The following SDK2 variants were observed in gnomAD, a reference collection of about 807,000 sequenced individuals.
SDK2 encodes protein sidekick-2.
A neutral mutation model predicts 253.9 loss-of-function variants in SDK2; 105 were observed. That is an observed-to-expected ratio of 0.41 (90% confidence interval 0.35 to 0.49). The LOEUF is 0.49. Ranked by LOEUF, SDK2 falls within the 20% of genes least tolerant of loss-of-function variation. The pLI, the probability that SDK2 is intolerant of heterozygous loss-of-function variation, is 0.06. For missense variants in SDK2, 2,608 were observed against 3,003.0 expected, an observed-to-expected ratio of 0.87 and a Z score of 3.07; for synonymous variants, 1,249 against 1,234.9, an observed-to-expected ratio of 1.01 and a Z score of -0.24.
chr17:73,430,675 T>C, intron 11 of SDK2, 62 bp from the exon 12 acceptor site: 1 of 1,161,716 alleles, frequency 8.6e-7, no homozygotes, highest in Non-Finnish European at 1.2e-6. Context: ...GGCTGGACTC[T>C]GGGTGGATAC....
rs574823197 is a variant in SDK2, at chr17:73,338,522, A to T, written c.*65T>A. On this transcript the variant is annotated 3_prime_UTR_variant, in exon 45 of 45. Transcript: ENST00000392650. This position sits in a 1 kb window ranked among gnomAD's most constrained non-coding sequence, Gnocchi z 5.0. ...TTGGTGTTTTTGTTTTCTGGCAGGC[A>T]GTGAGAGGAGGGGTGAAGGAGGAGT... 38 of 949,484 alleles carry T rather than the reference A, an allele frequency of 4.0e-5. No homozygotes were observed. Among genetic ancestry groups the T allele is most frequent in the Admixed American group, 7.0e-5 (3 of 42,714 alleles). The allele number at this position is 949,484 out of a possible 1,614,324, so 58.8% of individuals were successfully genotyped here.
rs1421885901 is a variant in SDK2 at position 73,433,845 on chromosome 17, A to G, written c.1199T>C (p.Ile400Thr). The G allele has an allele frequency of 6.5e-7, 1 of 1,538,890 alleles. No homozygotes were observed. Among genetic ancestry groups the G allele is most frequent in the African/African-American group, 1.4e-5 (1 of 72,626 alleles). Residue 400 changes from isoleucine to threonine, a missense_variant, in exon 10 of 45, where the codon ATC becomes ACC. Physicochemically the swap from Ile to Thr is moderately conservative, Grantham distance 89. Coordinates refer to ENST00000392650, the MANE Select transcript of SDK2 (RefSeq NM_001144952.2). Reference protein sequence around the residue: ...QTSTYLAVTSIAPNITRGPLD... With the variant: ...QTSTYLAVTSTAPNITRGPLD... Reference sequence around the variant, plus strand: ...GGGGCCTCTGGTGATGTTAGGGGCGATGCCTGCAAACAGAGAAGTGGGGCC... The same window carrying G: ...GGGGCCTCTGGTGATGTTAGGGGCGGTGCCTGCAAACAGAGAAGTGGGGCC...
chr17:73,636,702 A>AGAAAAG (rs1399052368), intron 1 of SDK2, among the ~76,000 whole-genome samples: 1 of 99,962 alleles, frequency 1.0e-5, no homozygotes, highest in African/African-American at 4.1e-5. Flanking sequence ...AAAAAAAAAA[A>AGAAAAG]AAAAGAAAAG....
Position 73,351,384 on chromosome 17 carries a change from A to G in SDK2, c.5759-594T>C, listed in dbSNP as rs563879836. Among the ~76,000 whole-genome samples the G allele has an allele frequency of 2.2e-4, 33 of 152,306 alleles. 1 individual carries two copies. Among genetic ancestry groups the G allele is most frequent in the Admixed American group, 2.2e-3 (33 of 15,294 alleles). Reference sequence around the variant, plus strand: ...CTCGGCCTCCCAAAGTGTTGGGATTACAGACGTGAGCCACCGTTCCCGGCC... The same window carrying G: ...CTCGGCCTCCCAAAGTGTTGGGATTGCAGACGTGAGCCACCGTTCCCGGCC... On this transcript the variant is annotated intron_variant, in intron 41 of 44. Coordinates refer to ENST00000392650, the MANE Select transcript of SDK2 (RefSeq NM_001144952.2).
At chr17:73,385,126 G>A (rs1038017780) in intron 32 of SDK2, among the ~76,000 whole-genome samples, 75 of 152,296 alleles carry the variant, frequency 4.9e-4, no homozygotes, top group African/African-American at 1.8e-3. Context: ...AGTGGTGATG[G>A]GAGTTCAGTG....
At chr17:73,505,968 T>G (rs1340835547) in intron 2 of SDK2, among the ~76,000 whole-genome samples, 1 of 152,216 alleles carries the variant, frequency 6.6e-6, no homozygotes. Flanking sequence ...ATCCTAGCAG[T>G]GCCAGGGCCC....
rs544813809 is a variant in SDK2 at position 73,488,312 on chromosome 17, G to A, written c.225-16094C>T. Among the ~76,000 whole-genome samples the A allele has an allele frequency of 4.6e-5, 7 of 152,294 alleles. No individual in the cohort carries two copies. The East Asian group carries it at 7.7e-4, about 17-fold the overall frequency. ...ATTACAGGCATGAGCCACCACGCCC[G>A]GCCAAGATGGCTGTCTTATAGAAAA... On this transcript the variant is annotated intron_variant, in intron 2 of 44. Transcript: ENST00000392650.
intron 1 of SDK2, among the ~76,000 whole-genome samples, chr17:73,536,742 G>C (rs1186953105): frequency 3.3e-5 from 5 of 152,194 alleles, no homozygotes. Context: ...GGCCATGCTG[G>C]GGGCAGGTGA....
intron 40 of SDK2, among the ~76,000 whole-genome samples, chr17:73,354,929 A>G (rs1226011536): frequency 6.6e-6 from 1 of 151,656 alleles, no homozygotes; most frequent in African/African-American, 2.4e-5. Context: ...TAAGTCGAGC[A>G]CTGCAGCAGA....
chr17:73,509,627 C>CAA (rs111605845), intron 1 of SDK2, among the ~76,000 whole-genome samples: 30 of 81,258 alleles, frequency 3.7e-4, no homozygotes, highest in African/African-American at 9.7e-4. Context: ...CCCTCTTCAC[C>CAA]AAAAAAAAAA....
chr17:73,543,580 C>T (rs572166198), intron 1 of SDK2, among the ~76,000 whole-genome samples: 273 of 152,378 alleles, frequency 1.8e-3, no homozygotes, highest in Non-Finnish European at 3.3e-3. Context: ...GAGTTATTAA[C>T]ACAAGGGATG....
At chr17:73,594,641 A>G (rs115468275) in intron 1 of SDK2, among the ~76,000 whole-genome samples, 2 of 152,088 alleles carry the variant, frequency 1.3e-5, no homozygotes, top group Admixed American at 1.3e-4. Context: ...AACACACAGA[A>G]ATACACCCAT....
At position 73,609,918 on chromosome 17, in the gene SDK2, A is replaced by G. The variant is rs76196734; in HGVS notation, c.64+34107T>C. Among the ~76,000 whole-genome samples, 1,983 of 152,320 alleles carry G rather than the reference A, an allele frequency of 0.013. 42 individuals carry two copies. Among genetic ancestry groups the G allele is most frequent in the East Asian group, 0.045 (235 of 5,168 alleles). On this transcript the variant is annotated intron_variant, in intron 1 of 44. Coordinates refer to ENST00000392650, the MANE Select transcript of SDK2 (RefSeq NM_001144952.2). The surrounding 1 kb of genome is among the most constrained non-coding windows in gnomAD (Gnocchi z 4.4). Reference sequence around the variant, plus strand: ...AGCTGTCAGGAGACAAAAACAGCTCACTGGAGCAAGGGCTGGGACTGGTAG... The same window carrying G: ...AGCTGTCAGGAGACAAAAACAGCTCGCTGGAGCAAGGGCTGGGACTGGTAG...
intron 16 of SDK2, 142 bp from the exon 17 acceptor site, chr17:73,416,134 CCCG>C: frequency 1.6e-6 from 1 of 635,702 alleles, no homozygotes; most frequent in Non-Finnish European, 2.6e-6. Flanking sequence ...CGACAGGGTG[CCCG>C]CCAGCACATG....
At position 73,496,482 on chromosome 17, in the gene SDK2, A is replaced by G. The variant is rs1339449480; in HGVS notation, c.224+10956T>C. Among the ~76,000 whole-genome samples the G allele has an allele frequency of 6.6e-6, 1 of 152,142 alleles. No homozygotes were observed. Among genetic ancestry groups the G allele is most frequent in the African/African-American group, 2.4e-5 (1 of 41,432 alleles). ...CATGGGCACGAGGGCATGAAAGAGC[A>G]GAGACCACGGGTGCACGATGCGTTC... On this transcript the variant is annotated intron_variant, in intron 2 of 44. Coordinates refer to ENST00000392650, the MANE Select transcript of SDK2 (RefSeq NM_001144952.2). This position sits in a 1 kb window ranked among gnomAD's most constrained non-coding sequence, Gnocchi z 4.7.
chr17:73,378,358 T>C (rs2062800999), intron 36 of SDK2, among the ~76,000 whole-genome samples: 1 of 152,040 alleles, frequency 6.6e-6, no homozygotes, highest in African/African-American at 2.4e-5. Flanking sequence ...CACCTTGGCC[T>C]CCTAAAGTGC....
chr17:73,626,663 G>C (rs543405414), intron 1 of SDK2, among the ~76,000 whole-genome samples: 9 of 152,320 alleles, frequency 5.9e-5, no homozygotes, highest in East Asian at 3.9e-4. Flanking sequence ...GACAGGTGCT[G>C]GCATCAGACA....
rs772810009 is a variant in SDK2, at chr17:73,379,591, C to A, written c.4763-42G>T. On this transcript the variant is annotated intron_variant, in intron 34 of 44. Transcript: ENST00000392650. The surrounding 1 kb of genome is among the most constrained non-coding windows in gnomAD (Gnocchi z 4.5). ...GGGAGGGGAAGCACACTGAGGTCAC[C>A]GTCATTGCTGGGAAGGTGTCCCCAG... The A allele has an allele frequency of 7.5e-5, 96 of 1,274,204 alleles. No homozygotes were observed. Among genetic ancestry groups the A allele is most frequent in the Non-Finnish European group, 1.1e-4 (94 of 890,510 alleles). 78.9% of individuals were successfully genotyped at this position (1,274,204 alleles called of 1,614,324 possible).
rs1473854064 is a variant in SDK2 at position 73,408,056 on chromosome 17, TTTTTTTTTC to T, written c.2485-5924_2485-5916del. Among the ~76,000 whole-genome samples, 118 of 128,298 alleles carry T rather than the reference TTTTTTTTTC, an allele frequency of 9.2e-4. 3 individuals are homozygous for T. The highest frequency in any genetic ancestry group is 1.6e-3 in the Non-Finnish European group (90 of 56,812). 84.2% of individuals were successfully genotyped at this position (128,298 alleles called of 152,430 possible). On this transcript the variant is annotated intron_variant, in intron 18 of 44. Coordinates refer to ENST00000392650, the MANE Select transcript of SDK2 (RefSeq NM_001144952.2). ...GGAAGTAAAATATTTCCTTTTTTTT[TTTTTTTTTC>T]TTTTGAGACAGAGTCTGGCTCTGTC...
Sources: gnomAD v4.1 joint callset for allele counts (sites outside exome capture counted in the v4.1 genomes callset) on GRCh38, gnomAD v4.1.1 for gene constraint, Gnocchi (gnomAD v3.1) non-coding constraint, MANE v1.5 for transcripts, NCBI Gene and HGNC (gene_info 2026-07-23, HGNC 2026-07-21) for gene names.